Variants in LTBP1 observed in about 807,000 individuals in gnomAD.
LTBP1 encodes the protein latent-transforming growth factor beta-binding protein 1.
Under a neutral mutation model 207.6 loss-of-function variants are expected in LTBP1, and 129 were observed. That is an observed-to-expected ratio of 0.62 (90% CI 0.54 to 0.72). The LOEUF is 0.72. Among genes scored for constraint, LTBP1 ranks in the 30% least tolerant of loss-of-function variants. The pLI, the probability that LTBP1 is intolerant of heterozygous loss-of-function variation, is 0.00. For synonymous variants in LTBP1, 963 were observed against 833.7 expected, an observed-to-expected ratio of 1.16 and a Z score of -2.67; for missense variants, 2,281 against 2,217.2, an observed-to-expected ratio of 1.03 and a Z score of -0.58.
chr2:33,389,218 G>T lies in LTBP1; in HGVS notation c.4746G>T (p.Thr1582=). Residue 1582 remains threonine, a synonymous_variant, in exon 32 of 34, where the codon ACG becomes ACT. Transcript: ENST00000404816. ...CTCAGCTGTGTAACATCCCCGTGACGGGACGCCGGCAGCCATATGGACGGG... is the reference window on the plus strand; with the variant it reads ...CTCAGCTGTGTAACATCCCCGTGACTGGACGCCGGCAGCCATATGGACGGG... ...DYAQLCNIPV[T]GRRQPYGRDA... is the part of the protein sequence containing the mutation. 2 of 1,614,132 alleles carry T rather than the reference G, an allele frequency of 1.2e-6. No individual in the cohort carries two copies. Among genetic ancestry groups the T allele is most frequent in the Non-Finnish European group, 8.5e-7 (1 of 1,180,042 alleles).
chr2:33,093,588 T>G (rs1470290793), intron 3 of LTBP1, among the ~76,000 whole-genome samples: 1 of 152,198 alleles, frequency 6.6e-6, no homozygotes, highest in Non-Finnish European at 1.5e-5. Context: ...ATTTCATTCT[T>G]AAGACCCTAG....
intron 7 of LTBP1, among the ~76,000 whole-genome samples, chr2:33,202,750 C>T (rs925384303): frequency 3.3e-5 from 5 of 152,210 alleles, no homozygotes. Flanking sequence ...CTCTTCCTCC[C>T]CATCGCCTAA....
At chr2:33,191,793 T>C (rs75523599) in intron 7 of LTBP1, among the ~76,000 whole-genome samples, 2,253 of 152,358 alleles carry the variant, frequency 0.015, 23 homozygotes, top group East Asian at 0.026. Flanking sequence ...TAATTGCAAG[T>C]GTCAAACATT....
At chr2:33,266,688 CG>C in intron 15 of LTBP1, among the ~76,000 whole-genome samples, 1 of 152,116 alleles carries the variant, frequency 6.6e-6, no homozygotes, top group African/African-American at 2.4e-5. Context: ...CTACCCACTT[CG>C]GGTCTCCTCA....
chr2:33,164,281 C>T (rs1018578121), intron 5 of LTBP1, among the ~76,000 whole-genome samples: 3 of 129,258 alleles, frequency 2.3e-5, no homozygotes, highest in African/African-American at 5.8e-5. Flanking sequence ...ACCTGGGAGG[C>T]GGAGGTTGCA....
At chr2:33,321,314 C>G (rs1245655979) in intron 24 of LTBP1, among the ~76,000 whole-genome samples, 1 of 152,160 alleles carries the variant, frequency 6.6e-6, no homozygotes, top group Non-Finnish European at 1.5e-5. Context: ...TAAATCACTC[C>G]TTGCTTACAC....
chr2:33,091,082 T>G (rs2079061602), intron 3 of LTBP1, among the ~76,000 whole-genome samples: 1 of 152,148 alleles, frequency 6.6e-6, no homozygotes, highest in Admixed American at 6.5e-5. Context: ...TAGCAGCACT[T>G]TTGTGGAGCC....
intron 5 of LTBP1, among the ~76,000 whole-genome samples, chr2:33,160,796 C>G (rs1322444948): frequency 6.6e-6 from 1 of 152,170 alleles, no homozygotes; most frequent in Non-Finnish European, 1.5e-5. Flanking sequence ...CTATCTGTTG[C>G]TGACCAGCAC....
chr2:33,326,656 T>C (rs1408905593), intron 24 of LTBP1, among the ~76,000 whole-genome samples: 1 of 151,094 alleles, frequency 6.6e-6, no homozygotes, highest in Non-Finnish European at 1.5e-5. Context: ...TTTATTTATT[T>C]ATTTATTTAT....
At chr2:33,343,258 A>T (rs2094654129) in intron 25 of LTBP1, among the ~76,000 whole-genome samples, 1 of 151,858 alleles carries the variant, frequency 6.6e-6, no homozygotes. Context: ...TTTTAAAAAA[A>T]AAATTAGCCA....
intron 2 of LTBP1, among the ~76,000 whole-genome samples, chr2:33,010,879 C>T (rs1194988281): frequency 6.6e-6 from 1 of 151,842 alleles, no homozygotes; most frequent in Non-Finnish European, 1.5e-5. Flanking sequence ...GCCACCACAC[C>T]CAGCTAATTT....
chr2:33,384,062 ACTGTCCAGACTGCCCTGCACATGTGT>A (rs1383019586), intron 31 of LTBP1, among the ~76,000 whole-genome samples: 2 of 152,118 alleles, frequency 1.3e-5, no homozygotes, highest in African/African-American at 4.8e-5. Flanking sequence ...GTGACATGTG[ACTGTCCAGACTGCCCTGCACATGTGT>A]CTGTCATCAA....
intron 3 of LTBP1, among the ~76,000 whole-genome samples, chr2:33,041,639 T>A (rs1234033145): frequency 1.3e-5 from 2 of 152,214 alleles, no homozygotes; most frequent in African/African-American, 4.8e-5. Flanking sequence ...ACATGATAAA[T>A]AGCATTCATT....
chr2:33,042,003 G>A (rs2149414426), intron 3 of LTBP1, among the ~76,000 whole-genome samples: 1 of 152,252 alleles, frequency 6.6e-6, no homozygotes, highest in East Asian at 1.9e-4. Flanking sequence ...ATCCTCATCA[G>A]CACTTAGTAT....
chr2:33,284,485 T>A (rs1243216845), intron 19 of LTBP1, among the ~76,000 whole-genome samples: 1 of 152,208 alleles, frequency 6.6e-6, no homozygotes, highest in Non-Finnish European at 1.5e-5. Flanking sequence ...ACTGTATTCC[T>A]TGGACCTGAC....
In LTBP1 at chr2:33,093,216, A is replaced by G. The variant is rs115170835; in HGVS notation, c.864-17366A>G. ...TGAAGCTTTTGTTTCACTTACATGT[A>G]TTTTCAAGGGGAAATAAGTGAGTAA... On this transcript the variant is annotated intron_variant, in intron 3 of 33. Transcript: ENST00000404816. Among the ~76,000 whole-genome samples, 1,141 of 152,318 alleles carry G rather than the reference A, an allele frequency of 7.5e-3. 11 individuals carry two copies. Among genetic ancestry groups the G allele is most frequent in the African/African-American group, 0.026 (1,082 of 41,568 alleles).
At chr2:33,316,785 C>T (rs542039190) in intron 24 of LTBP1, among the ~76,000 whole-genome samples, 1 of 152,276 alleles carries the variant, frequency 6.6e-6, no homozygotes, top group South Asian at 2.1e-4. Context: ...CAGTATTCCT[C>T]AGCTTGAGGG....
chr2:33,056,877 C>T (rs1298531225), intron 3 of LTBP1, among the ~76,000 whole-genome samples: 2 of 152,074 alleles, frequency 1.3e-5, no homozygotes, highest in Non-Finnish European at 2.9e-5. Context: ...TCTTATCCGG[C>T]CCCACCCACA....
intron 15 of LTBP1, among the ~76,000 whole-genome samples, chr2:33,266,245 C>T (rs747940676): frequency 5.9e-5 from 9 of 152,208 alleles, no homozygotes; most frequent in Non-Finnish European, 1.2e-4. Flanking sequence ...CATGCCAGTC[C>T]CCTGTCGCCT....
Sources: gnomAD v4.1 joint callset for allele counts (sites outside exome capture counted in the v4.1 genomes callset) on GRCh38, gnomAD v4.1.1 for gene constraint, MANE v1.5 for transcripts, NCBI Gene and HGNC (gene_info 2026-07-23, HGNC 2026-07-21) for gene names.